Variants in ITGA10 observed in about 807,000 individuals in gnomAD.
ITGA10 encodes integrin subunit alpha 10.
A neutral mutation model predicts 145.2 loss-of-function variants in ITGA10; 105 were observed. That is an observed-to-expected ratio of 0.72 (90% CI 0.62 to 0.85). The LOEUF is 0.85. Ranked by LOEUF, ITGA10 falls within the 40% of genes least tolerant of loss-of-function variation. The pLI is 0.00. For missense variants in ITGA10, 1,317 were observed against 1,444.5 expected (o/e 0.91, Z 1.43); for synonymous variants, 506 against 557.8 (o/e 0.91, Z 1.31).
At chr1:145,897,369 G>C (rs34563485) in intron 20 of ITGA10, 30 bp from the exon 21 acceptor site, 2 of 1,611,448 alleles carry the variant, frequency 1.2e-6, no homozygotes, top group Non-Finnish European at 1.7e-6. Context: ...GATAGAAGCT[G>C]GAGCTGGGGC....
At chr1:145,906,906 G>A in intron 3 of ITGA10, 82 bp from the exon 4 acceptor site, 1 of 1,208,644 alleles carries the variant, frequency 8.3e-7, no homozygotes, top group East Asian at 2.3e-5. Context: ...GGAGGAGAAT[G>A]AGCAGGGATT....
intron 6 of ITGA10, 39 bp downstream of exon 6, chr1:145,904,645 C>T: frequency 1.2e-6 from 2 of 1,610,256 alleles, no homozygotes; most frequent in Non-Finnish European, 1.7e-6. Context: ...AAGTAGGTGC[C>T]ACAAGCAACT....
At position 145,901,911 on chromosome 1, in the gene ITGA10, G is replaced by T. The variant is rs1559204532; in HGVS notation, c.1260C>A (p.Phe420Leu). The change falls in exon 11 of 30, where the codon TTC becomes TTA. Residue 420 changes from phenylalanine to leucine, a missense_variant. Transcript: ENST00000369304. This position sits in a 1 kb window ranked among gnomAD's most constrained non-coding sequence, Gnocchi z 4.3. Reference sequence around the variant, plus strand: ...CTGCATGGTTCTGCAATGCAGGGGGGAACTCGTCTTCCAGTGCCATTCGTG... The same window carrying T: ...CTGCATGGTTCTGCAATGCAGGGGGTAACTCGTCTTCCAGTGCCATTCGTG... ...FPPRMALEDE[F>L]PPALQNHAAY... The T allele has an allele frequency of 1.9e-6, 3 of 1,614,110 alleles. No individual in the cohort carries two copies. Among genetic ancestry groups the T allele is most frequent in the African/African-American group, 1.3e-5 (1 of 75,018 alleles).
In ITGA10 at chr1:145,893,288, A is replaced by G. The variant is rs782368490; in HGVS notation, c.3325-14T>C. ...CTCCAAGAGGCTCTGCGTGGACAGA[A>G]GAGTAGTTTTCTACATGCATCCTAT... On this transcript the variant is annotated splice_polypyrimidine_tract_variant and intron_variant, in intron 28 of 29. Coordinates refer to ENST00000369304, the MANE Select transcript of ITGA10 (RefSeq NM_003637.5). The G allele has an allele frequency of 2.8e-5, 45 of 1,584,028 alleles. No individual in the cohort carries two copies. The highest frequency in any genetic ancestry group is 1.3e-4 in the Admixed American group (8 of 59,954).
At position 145,893,632 on chromosome 1, in the gene ITGA10, T is replaced by C; in HGVS notation, c.3232A>G (p.Lys1078Glu). Residue 1078 changes from lysine to glutamate, a missense_variant, in exon 28 of 30, where the codon AAG (lysine) becomes GAG (glutamate). Transcript: ENST00000369304. Reference protein sequence around the residue: ...LVHNEFFRRAKFKSLTVVSTF... With the variant: ...LVHNEFFRRAEFKSLTVVSTF... ...CTGACCACCGTCAGGGACTTGAACTTGGCCTATGGAACAAGTGGATAGGAA... is the reference window on the plus strand; with the variant it reads ...CTGACCACCGTCAGGGACTTGAACTCGGCCTATGGAACAAGTGGATAGGAA... 1.2e-6 allele frequency: 2 copies of C among 1,612,482 alleles called. No homozygotes were observed. Among genetic ancestry groups the C allele is most frequent in the Non-Finnish European group, 1.7e-6 (2 of 1,179,220 alleles).
rs1553746081 is a variant in ITGA10 at position 145,898,176 on chromosome 1, G to A, written c.2280C>T (p.Ala760=). The A allele has an allele frequency of 1.1e-5, 17 of 1,614,052 alleles. No homozygotes were observed. Among genetic ancestry groups the A allele is most frequent in the Non-Finnish European group, 1.4e-5 (16 of 1,179,988 alleles). The change falls in exon 18 of 30, where the codon GCC becomes GCT. Residue 760 remains alanine (A), a synonymous_variant. Coordinates refer to ENST00000369304, the MANE Select transcript of ITGA10 (RefSeq NM_003637.5). ...GCCCTGGCTTTGTAGTATTGTCCAA[G>A]GCAAAGGTCACAGTCAAGGCCACTG... ...LRPVALTVTF[A]LDNTTKPGPV... is the part of the protein sequence containing the mutation.
In ITGA10 at chr1:145,902,505, C is replaced by A; in HGVS notation, c.1024G>T (p.Ala342Ser). Reference protein sequence around the residue: ...RFFFNVTDEAALTDIVDALGD... With the variant: ...RFFFNVTDEASLTDIVDALGD... ...AGTGCATCCACAATGTCAGTCAGAG[C>A]AGCCTCATCTGTGACATTGAAGAAG... Residue 342 changes from alanine (A) to serine (S), a missense_variant, in exon 9 of 30, where the codon GCT becomes TCT. Physicochemically the swap from Ala to Ser is moderately conservative, Grantham distance 99 (BLOSUM62 1). Transcript: ENST00000369304. 1 of 1,613,702 alleles carries A rather than the reference C, an allele frequency of 6.2e-7. No individual in the cohort carries two copies. The highest frequency in any genetic ancestry group is 8.5e-7 in the Non-Finnish European group (1 of 1,179,812).
chr1:145,897,063 A>C lies in ITGA10; in HGVS notation c.2692T>G (p.Phe898Val). Reference protein sequence around the residue: ...AKVTFLLEFEFSCSSLLSQVF... With the variant: ...AKVTFLLEFEVSCSSLLSQVF... The stretch of plus-strand genomic sequence containing the variant: ...TGGCTCAGGAGAGAGGAGCAGCTAA[A>C]CTCAAACTCTAGCAGAAAGGTCACC... Residue 898 changes from phenylalanine to valine, a missense_variant, in exon 22 of 30, where the codon TTT (phenylalanine) becomes GTT (valine). Coordinates refer to ENST00000369304, the MANE Select transcript of ITGA10 (RefSeq NM_003637.5). 1.2e-6 allele frequency: 2 copies of C among 1,614,050 alleles called. No homozygotes were observed. The highest frequency in any genetic ancestry group is 1.7e-6 in the Non-Finnish European group (2 of 1,179,972).
chr1:145,897,926 G>T, intron 18 of ITGA10, 26 bp from the exon 19 acceptor site: 1 of 1,584,230 alleles, frequency 6.3e-7, no homozygotes. Context: ...GGGGCTAAGG[G>T]TTGAGAGGAA....
At chr1:145,903,449 G>A (rs781826176) in intron 7 of ITGA10, among the ~76,000 whole-genome samples, 1 of 152,116 alleles carries the variant, frequency 6.6e-6, no homozygotes, top group African/African-American at 2.4e-5. Context: ...TGTTGGAGTG[G>A]AGGGATAGAA....
intron 10 of ITGA10, 78 bp from the exon 11 acceptor site, chr1:145,902,099 G>T: frequency 6.3e-7 from 1 of 1,593,068 alleles, no homozygotes; most frequent in South Asian, 1.1e-5. Context: ...GGAGTGAAAA[G>T]ATCACTGAGG....
rs2101849960 is a variant in ITGA10, at chr1:145,910,025, T to C, written c.-11A>G. The C allele has an allele frequency of 6.2e-7, 1 of 1,611,992 alleles. No individual in the cohort carries two copies. Among genetic ancestry groups the C allele is most frequent in the Non-Finnish European group, 8.5e-7 (1 of 1,178,528 alleles). ...GAAGGGGAGTTCCATGCCTGATCGG[T>C]TTCTGTCCAGTATGAGAAGTCCTCT... On this transcript the variant is annotated 5_prime_UTR_variant, in exon 1 of 30. Transcript: ENST00000369304.
At position 145,901,408 on chromosome 1, in the gene ITGA10, A is replaced by T; in HGVS notation, c.1443+108T>A. On this transcript the variant is annotated intron_variant, in intron 12 of 29. Coordinates refer to ENST00000369304, the MANE Select transcript of ITGA10 (RefSeq NM_003637.5). This position sits in a 1 kb window ranked among gnomAD's most constrained non-coding sequence, Gnocchi z 4.3. ...TCCCTGACAGACTCTGCCAACCAGA[A>T]TTCCGCACAGACTTTGGAGGCCTCT... The T allele has an allele frequency of 6.7e-7, 1 of 1,487,502 alleles. No homozygotes were observed. The highest frequency in any genetic ancestry group is 9.1e-7 in the Non-Finnish European group (1 of 1,103,542). 92.1% of individuals were successfully genotyped at this position (1,487,502 alleles called of 1,614,324 possible). A position where few individuals can be genotyped will look rare whatever the true frequency, so the allele number is the denominator to read the frequency against.
chr1:145,906,668 C>T, intron 4 of ITGA10, 65 bp downstream of exon 4: 1 of 1,414,598 alleles, frequency 7.1e-7, no homozygotes, highest in East Asian at 2.3e-5. Context: ...TTTTCCCTTA[C>T]CACACTTCTC....
intron 15 of ITGA10, 131 bp from the exon 16 acceptor site, chr1:145,899,472 A>G: frequency 1.1e-6 from 1 of 942,784 alleles, no homozygotes; most frequent in Non-Finnish European, 1.6e-6. Context: ...CCTCCCCCGA[A>G]CCCTCTGACA....
In ITGA10 at chr1:145,897,630, C is replaced by A; in HGVS notation, c.2456G>T (p.Gly819Val). 1.2e-6 allele frequency: 2 copies of A among 1,614,130 alleles called. No individual in the cohort carries two copies. Among genetic ancestry groups the A allele is most frequent in the Non-Finnish European group, 8.5e-7 (1 of 1,180,026 alleles). Residue 819 changes from glycine (G) to valine (V), a missense_variant, in exon 20 of 30, where the codon GGT becomes GTT. Physicochemically the swap from Gly to Val is moderately radical, Grantham distance 109. Transcript: ENST00000369304. ...GSRKAPFVVR[G>V]GRRKVLVSTT... is the part of the protein sequence containing the mutation. ...AGATACCAGCACTTTCCGCCGGCCA[C>A]CTCGAACCACAAATGGGGCCTTCCT...
chr1:145,896,693 A>G lies in ITGA10; in HGVS notation c.2834+76T>C. On this transcript the variant is annotated intron_variant, in intron 23 of 29. Transcript: ENST00000369304. ...TGGGTTTTTGGAAAAACTGAGGCAC[A>G]TGGAAGGGGAGGGAAGCAGCATAAG... The G allele has an allele frequency of 6.4e-6, 8 of 1,246,626 alleles. No individual in the cohort carries two copies. In the South Asian group the frequency reaches 8.4e-5, roughly 13 times the overall value. 77.2% of individuals were successfully genotyped at this position (1,246,626 alleles called of 1,614,324 possible).
intron 7 of ITGA10, 84 bp downstream of exon 7, chr1:145,903,968 G>A (rs973980872): frequency 3.6e-5 from 55 of 1,512,470 alleles, no homozygotes; most frequent in African/African-American, 2.7e-4. Flanking sequence ...GATTACAGGC[G>A]TGAGCCACCA....
At position 145,901,128 on chromosome 1, in the gene ITGA10, GT is replaced by G; in HGVS notation, c.1587+6del. ...AGTCCAGGGCAGGGGGTCCCAGCAA[GT>G]CTCACCTGGCCTACCAGATACACAT... On this transcript the variant is annotated splice_donor_region_variant and intron_variant, in intron 13 of 29. Coordinates refer to ENST00000369304, the MANE Select transcript of ITGA10 (RefSeq NM_003637.5). This position sits in a 1 kb window ranked among gnomAD's most constrained non-coding sequence, Gnocchi z 4.3. The G allele has an allele frequency of 6.2e-7, 1 of 1,613,884 alleles. No homozygotes were observed. The highest frequency in any genetic ancestry group is 8.5e-7 in the Non-Finnish European group (1 of 1,179,930).
Sources: gnomAD v4.1 joint callset for allele counts (sites outside exome capture counted in the v4.1 genomes callset) on GRCh38, gnomAD v4.1.1 for gene constraint, Gnocchi (gnomAD v3.1) non-coding constraint, MANE v1.5 for transcripts, NCBI Gene and HGNC (gene_info 2026-07-23, HGNC 2026-07-21) for gene names.